The following EPHA6 variants were observed in gnomAD, a reference collection of about 807,000 sequenced individuals.
EPHA6 encodes ephrin type-A receptor 6.
A neutral mutation model predicts 112.0 loss-of-function variants in EPHA6; 50 were observed. The ratio of observed to expected loss-of-function variants is 0.45; its 90% CI spans 0.36 to 0.56. The LOEUF (loss-of-function observed/expected upper bound fraction) is 0.56, where lower values mean the gene tolerates loss of function less well. Among genes scored for constraint, EPHA6 ranks in the 20% least tolerant of loss-of-function variants. The pLI, the probability that EPHA6 is intolerant of heterozygous loss-of-function variation, is 0.00. For missense variants in EPHA6, 1,280 were observed against 1,417.4 expected (o/e 0.90, Z 1.56); for synonymous variants, 529 against 490.7 (o/e 1.08, Z -1.03).
At chr3:97,472,933 C>T (rs1227409000) in intron 7 of EPHA6, among the ~76,000 whole-genome samples, 1 of 148,550 alleles carries the variant, frequency 6.7e-6, no homozygotes, top group East Asian at 1.9e-4. Flanking sequence ...TTTCCCTTGA[C>T]AAGATATGTA....
chr3:97,715,660 T>C (rs891414369), intron 14 of EPHA6, among the ~76,000 whole-genome samples: 1 of 152,220 alleles, frequency 6.6e-6, no homozygotes, highest in Non-Finnish European at 1.5e-5. Context: ...TACATTTCAA[T>C]TGATTGGTCT....
chr3:96,996,705 A>ATC (rs2043437028), intron 3 of EPHA6, among the ~76,000 whole-genome samples: 1 of 152,114 alleles, frequency 6.6e-6, no homozygotes, highest in South Asian at 2.1e-4. Context: ...TGCTGTGAAC[A>ATC]GATGTACTGT....
chr3:97,417,125 A>C (rs982227872), intron 6 of EPHA6, among the ~76,000 whole-genome samples: 5 of 152,166 alleles, frequency 3.3e-5, no homozygotes, highest in Non-Finnish European at 7.4e-5. Flanking sequence ...ATTTCTTAAA[A>C]CAATTATACT....
At chr3:97,092,163 G>A (rs182138427) in intron 3 of EPHA6, among the ~76,000 whole-genome samples, 4 of 150,176 alleles carry the variant, frequency 2.7e-5, no homozygotes, top group African/African-American at 7.3e-5. Context: ...AAGATAGAAC[G>A]TTTTCCCTGG....
At chr3:97,534,532 C>G (rs551965406) in intron 11 of EPHA6, among the ~76,000 whole-genome samples, 131 of 135,354 alleles carry the variant, frequency 9.7e-4, no homozygotes, top group African/African-American at 3.4e-3. Context: ...TTGAATTGAA[C>G]AACATTAAAT....
rs569320343 is a variant in EPHA6 at position 96,882,631 on chromosome 3, A to G, written c.450+15742A>G. Among the ~76,000 whole-genome samples, 4 of 152,074 alleles carry G rather than the reference A, an allele frequency of 2.6e-5. No individual in the cohort carries two copies. The East Asian group carries it at 7.8e-4, about 29-fold the overall frequency. On this transcript the variant is annotated intron_variant, in intron 2 of 17. Coordinates refer to ENST00000389672, the MANE Select transcript of EPHA6 (RefSeq NM_001080448.3). The stretch of plus-strand genomic sequence containing the variant: ...ACGATGTTTGGTTTCCCATTCCTGC[A>G]TTACTTCACTTAGAATAATAGTCTC...
chr3:97,037,396 T>C (rs2045140212), intron 3 of EPHA6, among the ~76,000 whole-genome samples: 1 of 151,922 alleles, frequency 6.6e-6, no homozygotes, highest in African/African-American at 2.4e-5. Flanking sequence ...TGAACAAACA[T>C]GAAAGGGCTA....
chr3:97,749,856 C>T lies in EPHA6; in HGVS notation c.*1155C>T, dbSNP rs761894239. Among the ~76,000 whole-genome samples, 3 of 152,066 alleles carry T rather than the reference C, an allele frequency of 2.0e-5. No individual in the cohort carries two copies. Among genetic ancestry groups the T allele is most frequent in the South Asian group, 2.1e-4 (1 of 4,826 alleles). Reference sequence around the variant, plus strand: ...TTACATGAACATGCTGAGCTCTTTTCGAAACCTTCTAAGAAATAAGTATGA... The same window carrying T: ...TTACATGAACATGCTGAGCTCTTTTTGAAACCTTCTAAGAAATAAGTATGA... On this transcript the variant is annotated 3_prime_UTR_variant, in exon 18 of 18. Coordinates refer to ENST00000389672, the MANE Select transcript of EPHA6 (RefSeq NM_001080448.3).
intron 3 of EPHA6, among the ~76,000 whole-genome samples, chr3:97,076,599 A>C (rs575454540): frequency 6.6e-6 from 1 of 152,348 alleles, no homozygotes; most frequent in South Asian, 2.1e-4. Context: ...GAAGGTAGCT[A>C]CACTAACAAC....
intron 6 of EPHA6, among the ~76,000 whole-genome samples, chr3:97,421,296 A>G (rs2088610351): frequency 6.6e-6 from 1 of 152,154 alleles, no homozygotes; most frequent in Admixed American, 6.5e-5. Flanking sequence ...ATGTACATTC[A>G]GATTTAAAAA....
chr3:97,414,657 T>C (rs2107149819), intron 6 of EPHA6, among the ~76,000 whole-genome samples: 1 of 152,218 alleles, frequency 6.6e-6, no homozygotes, highest in Non-Finnish European at 1.5e-5. Flanking sequence ...GTCTGTATTC[T>C]GCTTCAAATA....
chr3:97,273,438 G>T (rs2079959533), intron 5 of EPHA6, among the ~76,000 whole-genome samples: 1 of 152,106 alleles, frequency 6.6e-6, no homozygotes, highest in South Asian at 2.1e-4. Flanking sequence ...TTTTTTGGGG[G>T]CACAGTCCAA....
At chr3:97,465,808 C>T (rs1424859288) in intron 7 of EPHA6, among the ~76,000 whole-genome samples, 8 of 151,938 alleles carry the variant, frequency 5.3e-5, no homozygotes, top group African/African-American at 1.9e-4. Flanking sequence ...TTCATGTTAC[C>T]ATAAACTGTG....
chr3:97,758,510 T>G lies in EPHA6; in HGVS notation c.*9809T>G, dbSNP rs1411306873. On this transcript the variant is annotated 3_prime_UTR_variant, in exon 18 of 18. Transcript: ENST00000389672. ...CTCCATTCAACTGTTTATTGAACAC[T>G]ACCATGTACCATTGTCCTGTTCGAA... 6.6e-6 allele frequency among the ~76,000 whole-genome samples: 1 copy of G among 151,942 alleles called. No homozygotes were observed. The highest frequency in any genetic ancestry group is 1.5e-5 in the Non-Finnish European group (1 of 67,852).
chr3:96,845,193 T>A (rs2034996867), intron 1 of EPHA6, among the ~76,000 whole-genome samples: 2 of 151,994 alleles, frequency 1.3e-5, no homozygotes, highest in Admixed American at 6.6e-5. Flanking sequence ...TTTAATGGAT[T>A]TCTTCTCTTT....
At chr3:97,066,222 T>C (rs13315840) in intron 3 of EPHA6, among the ~76,000 whole-genome samples, 9,428 of 152,110 alleles carry the variant, frequency 0.062, 322 homozygotes, top group Middle Eastern at 0.13. Context: ...ATAGGCCTGA[T>C]AGAATATTTG....
chr3:97,387,611 T>C (rs1180386752), intron 5 of EPHA6, among the ~76,000 whole-genome samples: 2 of 152,166 alleles, frequency 1.3e-5, no homozygotes, highest in Admixed American at 1.3e-4. Flanking sequence ...GTCACAACAA[T>C]TTAACAAGTC....
rs568977502 is a variant in EPHA6, at chr3:97,141,770, A to T, written c.1115-84494A>T. On this transcript the variant is annotated intron_variant, in intron 3 of 17. Transcript: ENST00000389672. The stretch of plus-strand genomic sequence containing the variant: ...ACAACCTAATATCGTAACTCAAGGA[A>T]CTAGAAAAACAAGAACAAATCAAAC... Among the ~76,000 whole-genome samples the T allele has an allele frequency of 1.1e-4, 16 of 152,168 alleles. 1 individual carries two copies. In the South Asian group the frequency reaches 3.1e-3, roughly 30 times the overall value.
chr3:96,937,748 A>G (rs368138823), intron 2 of EPHA6, among the ~76,000 whole-genome samples: 9 of 152,108 alleles, frequency 5.9e-5, no homozygotes, highest in Non-Finnish European at 8.8e-5. Context: ...TAGGTCTAAC[A>G]TTGAAGTCTT....
Sources: allele counts gnomAD v4.1 joint callset (sites outside exome capture counted in the v4.1 genomes callset), GRCh38; gene constraint gnomAD v4.1.1; transcripts MANE v1.5; gene names NCBI Gene and HGNC (gene_info 2026-07-23, HGNC 2026-07-21).